Variants in PEX5L observed in about 807,000 individuals in gnomAD.
The protein encoded by PEX5L is PEX5-related protein.
Under a neutral mutation model 84.0 loss-of-function variants are expected in PEX5L, and 30 were observed. The ratio of observed to expected loss-of-function variants is 0.36; its 90% CI spans 0.27 to 0.48. The LOEUF (loss-of-function observed/expected upper bound fraction) is 0.48. PEX5L is among the 20% of genes least tolerant of loss of function. PEX5L has a pLI of 0.99. For missense variants in PEX5L, 533 were observed against 754.6 expected (o/e 0.71, Z 3.44); for synonymous variants, 270 against 283.1 (o/e 0.95, Z 0.46).
rs545578758 is a variant in PEX5L, at chr3:179,815,660, A to G, written c.1083+201T>C. ...TTTCCTGCCCCCAATCTTTATTTAT[A>G]GGCACTGTAAACACTGCCAATTAGA... On this transcript the variant is annotated intron_variant, in intron 10 of 14. Transcript: ENST00000467460. Among the ~76,000 whole-genome samples the G allele has an allele frequency of 2.0e-5, 3 of 152,248 alleles. No homozygotes were observed. In the East Asian group the frequency reaches 5.8e-4, roughly 29 times the overall value.
At chr3:179,969,163 T>C (rs1248930412) in intron 2 of PEX5L, among the ~76,000 whole-genome samples, 2 of 152,128 alleles carry the variant, frequency 1.3e-5, no homozygotes, top group African/African-American at 4.8e-5. Context: ...CTTCTGCCCA[T>C]TGCAGCATTC....
chr3:179,839,219 G>T (rs1216989829), intron 8 of PEX5L, among the ~76,000 whole-genome samples: 1 of 152,040 alleles, frequency 6.6e-6, no homozygotes, highest in Non-Finnish European at 1.5e-5. Context: ...ATTAGGTGTG[G>T]ATTAAAAAGC....
chr3:179,963,558 T>TCATG, intron 2 of PEX5L, among the ~76,000 whole-genome samples: 1 of 152,152 alleles, frequency 6.6e-6, no homozygotes, highest in South Asian at 2.1e-4. Context: ...TCTTAGAGAC[T>TCATG]CATGAATATA....
At chr3:179,859,578 C>T (rs948746953) in intron 7 of PEX5L, among the ~76,000 whole-genome samples, 6 of 152,168 alleles carry the variant, frequency 3.9e-5, no homozygotes, top group Non-Finnish European at 5.9e-5. Context: ...GATCAGCCTC[C>T]GGTTAAAAAC....
At chr3:179,852,962 A>G (rs572748598) in intron 8 of PEX5L, among the ~76,000 whole-genome samples, 13 of 152,346 alleles carry the variant, frequency 8.5e-5, no homozygotes, top group African/African-American at 2.6e-4. Flanking sequence ...AAATAGATGC[A>G]TTAAAATAAT....
intron 1 of PEX5L, chr3:179,973,971 G>T (rs1003408784): frequency 2.8e-4 from 278 of 985,240 alleles, no homozygotes; most frequent in Non-Finnish European, 3.2e-4. Flanking sequence ...ATAACCCCGG[G>T]GGGATTAATC....
chr3:179,876,552 TC>T (rs892820806), intron 5 of PEX5L, among the ~76,000 whole-genome samples: 3 of 152,108 alleles, frequency 2.0e-5, no homozygotes, highest in Non-Finnish European at 4.4e-5. Flanking sequence ...TTTTTCCCCT[TC>T]TTTTTAAAAA....
chr3:179,881,015 C>T (rs1354734334), intron 4 of PEX5L: 1 of 152,322 alleles, frequency 6.6e-6, no homozygotes, highest in Non-Finnish European at 1.5e-5. Context: ...ACTGGAGAGA[C>T]TAGCTTCTGA....
chr3:179,827,462 T>G (rs1730956628), intron 8 of PEX5L, among the ~76,000 whole-genome samples: 1 of 152,132 alleles, frequency 6.6e-6, no homozygotes, highest in African/African-American at 2.4e-5. Context: ...CCTTCTACCC[T>G]CATCTTCAGC....
intron 8 of PEX5L, among the ~76,000 whole-genome samples, chr3:179,845,128 AC>A (rs1453087656): frequency 6.6e-6 from 1 of 152,170 alleles, no homozygotes; most frequent in Non-Finnish European, 1.5e-5. Flanking sequence ...ACAGGGATTC[AC>A]CCCTTTTATA....
intron 1 of PEX5L, among the ~76,000 whole-genome samples, chr3:180,011,024 T>C (rs769872948): frequency 2.6e-5 from 4 of 152,168 alleles, no homozygotes; most frequent in Non-Finnish European, 5.9e-5. Context: ...TTAATTGAGA[T>C]GTAAGTGTGA....
chr3:179,848,380 G>A (rs771411597), intron 8 of PEX5L, among the ~76,000 whole-genome samples: 36 of 151,680 alleles, frequency 2.4e-4, no homozygotes, highest in Non-Finnish European at 4.6e-4. Context: ...GCAACATTCC[G>A]TCTCTACAAA....
intron 2 of PEX5L, among the ~76,000 whole-genome samples, chr3:179,916,438 AT>A (rs1157061323): frequency 2.0e-5 from 3 of 152,202 alleles, no homozygotes; most frequent in African/African-American, 7.2e-5. Flanking sequence ...AAATAAAAAA[AT>A]GGTATACCAA....
intron 2 of PEX5L, among the ~76,000 whole-genome samples, chr3:179,925,498 C>T (rs1453517699): frequency 2.0e-5 from 3 of 152,192 alleles, no homozygotes; most frequent in African/African-American, 2.4e-5. Flanking sequence ...TTACTGGATA[C>T]ATCTTAAAGA....
intron 2 of PEX5L, among the ~76,000 whole-genome samples, chr3:179,968,732 T>TGTG: frequency 6.9e-6 from 1 of 144,188 alleles, no homozygotes; most frequent in African/African-American, 2.7e-5. Flanking sequence ...TCTGTGTGTG[T>TGTG]CTGTGTGTCT....
At chr3:179,914,480 G>T (rs926222073) in intron 2 of PEX5L, among the ~76,000 whole-genome samples, 2 of 151,370 alleles carry the variant, frequency 1.3e-5, no homozygotes, top group African/African-American at 4.9e-5. Flanking sequence ...TTTAATGGAG[G>T]TCTACACTAT....
intron 5 of PEX5L, among the ~76,000 whole-genome samples, chr3:179,877,560 G>C (rs760671343): frequency 3.3e-5 from 5 of 152,152 alleles, no homozygotes; most frequent in Non-Finnish European, 7.3e-5. Context: ...TTGGGCTTAA[G>C]CAATCCTCCT....
intron 1 of PEX5L, among the ~76,000 whole-genome samples, chr3:180,015,282 T>C (rs769152057): frequency 1.3e-5 from 2 of 152,182 alleles, no homozygotes; most frequent in Non-Finnish European, 2.9e-5. Flanking sequence ...TAATATTGTA[T>C]ACAAGGGAGT....
intron 2 of PEX5L, among the ~76,000 whole-genome samples, chr3:179,938,415 G>T (rs1366804545): frequency 6.6e-6 from 1 of 152,162 alleles, no homozygotes; most frequent in African/African-American, 2.4e-5. Flanking sequence ...TTGAAATCTG[G>T]TTACTCTGGA....
Sources: gnomAD v4.1 joint callset for allele counts (sites outside exome capture counted in the v4.1 genomes callset) on GRCh38, gnomAD v4.1.1 for gene constraint, MANE v1.5 for transcripts, NCBI Gene and HGNC (gene_info 2026-07-23, HGNC 2026-07-21) for gene names.